SLC7A14: variants seen among roughly 807,000 people sequenced by gnomAD.
The protein encoded by SLC7A14 is gamma-aminobutyric acid transporter SLC7A14.
SLC7A14 carries 37 observed loss-of-function variants against 60.2 expected under a neutral mutation model. The observed-to-expected ratio is 0.61, with a 90% CI of 0.47 to 0.81. SLC7A14 has a LOEUF of 0.81. SLC7A14 is among the 30% of genes least tolerant of loss of function. The pLI is 0.00. For synonymous variants in SLC7A14, 399 were observed against 395.8 expected (o/e 1.01, Z -0.10); for missense variants, 886 against 982.7 (o/e 0.90, Z 1.32).
At chr3:170,481,277 T>C in intron 6 of SLC7A14, 111 bp from the exon 7 acceptor site, 1 of 1,166,090 alleles carries the variant, frequency 8.6e-7, no homozygotes, top group South Asian at 1.6e-5. Context: ...TAACTCCTCC[T>C]GGTCCTGCTC....
intron 2 of SLC7A14, among the ~76,000 whole-genome samples, chr3:170,518,263 C>T (rs1308727149): frequency 6.6e-6 from 1 of 152,234 alleles, no homozygotes; most frequent in Non-Finnish European, 1.5e-5. Flanking sequence ...CTGTGGTGGT[C>T]TTCTTCGCTA....
At chr3:170,569,179 C>T (rs1268648516) in intron 1 of SLC7A14, among the ~76,000 whole-genome samples, 2 of 152,238 alleles carry the variant, frequency 1.3e-5, no homozygotes, top group South Asian at 2.1e-4. Context: ...TTTTGAGATA[C>T]ATCCCATCAA....
chr3:170,484,113 G>T (rs1005945171), intron 5 of SLC7A14, among the ~76,000 whole-genome samples: 1 of 152,178 alleles, frequency 6.6e-6, no homozygotes, highest in Non-Finnish European at 1.5e-5. Context: ...TAGGATCCAG[G>T]CAGGCCAACA....
intron 1 of SLC7A14, among the ~76,000 whole-genome samples, chr3:170,537,935 G>A (rs1310843504): frequency 1.4e-5 from 2 of 142,224 alleles, no homozygotes; most frequent in African/African-American, 2.7e-5. Context: ...CTATATGGTC[G>A]TGGTCCTTCT....
At chr3:170,519,309 C>T (rs1713270226) in intron 2 of SLC7A14, among the ~76,000 whole-genome samples, 1 of 152,182 alleles carries the variant, frequency 6.6e-6, no homozygotes. Context: ...GTGGCAGTGA[C>T]AGCCAGCTTT....
chr3:170,545,170 T>C (rs1714140271), intron 1 of SLC7A14, among the ~76,000 whole-genome samples: 1 of 152,246 alleles, frequency 6.6e-6, no homozygotes, highest in Admixed American at 6.5e-5. Flanking sequence ...TGGTATCCTT[T>C]ACAGAAGAGG....
chr3:170,558,757 T>G (rs759418255), intron 1 of SLC7A14, among the ~76,000 whole-genome samples: 6 of 152,244 alleles, frequency 3.9e-5, no homozygotes, highest in Non-Finnish European at 7.3e-5. Context: ...TACAATGTCA[T>G]TCTGAATGAA....
In SLC7A14 at chr3:170,585,602, C is replaced by T. The variant is rs567807693; in HGVS notation, c.-153+309G>A. Among the ~76,000 whole-genome samples, 55 of 152,262 alleles carry T rather than the reference C, an allele frequency of 3.6e-4. No homozygotes were observed. The highest frequency in any genetic ancestry group is 1.3e-3 in the African/African-American group (53 of 41,554). ...GCCTCCCGCTCTAGCGGCGCCGGAG[C>T]CGCGCTGGCCCCCGCCCCGCCCGGC... On this transcript the variant is annotated intron_variant, in intron 1 of 7. Transcript: ENST00000231706. This position sits in a 1 kb window ranked among gnomAD's most constrained non-coding sequence, Gnocchi z 5.1.
At chr3:170,539,094 C>T (rs996638529) in intron 1 of SLC7A14, among the ~76,000 whole-genome samples, 6 of 152,174 alleles carry the variant, frequency 3.9e-5, no homozygotes, top group African/African-American at 1.4e-4. Flanking sequence ...AAATGAAATC[C>T]AAGGTCCTCA....
chr3:170,489,276 A>G (rs1478859421), intron 4 of SLC7A14, among the ~76,000 whole-genome samples: 1 of 152,218 alleles, frequency 6.6e-6, no homozygotes, highest in Non-Finnish European at 1.5e-5. Context: ...AAATCTAATA[A>G]TCTGATTTAA....
chr3:170,533,885 T>A (rs141942071), intron 1 of SLC7A14, among the ~76,000 whole-genome samples: 1 of 152,338 alleles, frequency 6.6e-6, no homozygotes. Context: ...CCTACCATAT[T>A]ATTTAATGAT....
chr3:170,560,578 C>T (rs1714619845), intron 1 of SLC7A14, among the ~76,000 whole-genome samples: 2 of 152,122 alleles, frequency 1.3e-5, no homozygotes, highest in African/African-American at 4.8e-5. Context: ...ATTTTAAAGT[C>T]TGATAACACC....
Position 170,532,592 on chromosome 3 carries a change from T to G in SLC7A14, c.-152-5504A>C, listed in dbSNP as rs564250705. On this transcript the variant is annotated intron_variant, in intron 1 of 7. Coordinates refer to ENST00000231706, the MANE Select transcript of SLC7A14 (RefSeq NM_020949.3). The surrounding 1 kb of genome is among the most constrained non-coding windows in gnomAD (Gnocchi z 4.0). ...GTGGAAGAGCTAATACGTGTAGAGC[T>G]TTTAGTACCGCGCCTGGCGTATAGT... 8.1e-4 allele frequency among the ~76,000 whole-genome samples: 124 copies of G among 152,236 alleles called. No homozygotes were observed. Among genetic ancestry groups the G allele is most frequent in the African/African-American group, 2.9e-3 (119 of 41,542 alleles).
intron 1 of SLC7A14, among the ~76,000 whole-genome samples, chr3:170,573,092 G>A (rs1302299675): frequency 6.6e-6 from 1 of 152,202 alleles, no homozygotes; most frequent in East Asian, 1.9e-4. Context: ...AGTTTCAAAT[G>A]TCAGGGTCCA....
At chr3:170,518,186 T>A (rs995978701) in intron 2 of SLC7A14, among the ~76,000 whole-genome samples, 1 of 152,036 alleles carries the variant, frequency 6.6e-6, no homozygotes, top group Non-Finnish European at 1.5e-5. Flanking sequence ...GGGAAGGAGG[T>A]GCTACATGAA....
intron 7 of SLC7A14, among the ~76,000 whole-genome samples, chr3:170,471,120 TGA>T (rs1553864221): frequency 7.9e-5 from 12 of 151,634 alleles, no homozygotes; most frequent in Non-Finnish European, 1.8e-4. Context: ...TGTGTGTGTG[TGA>T]GTGATTATGT....
intron 4 of SLC7A14, chr3:170,496,303 C>T (rs1377485855): frequency 5.9e-6 from 6 of 1,011,752 alleles, no homozygotes; most frequent in East Asian, 4.7e-5. Context: ...GAGCTGCAGA[C>T]GCTGGCTGGC....
In SLC7A14 at chr3:170,526,751, G is replaced by A. The variant is rs374158453; in HGVS notation, c.186C>T (p.Gly62=). 3 of 1,614,118 alleles carry A rather than the reference G, an allele frequency of 1.9e-6. No individual in the cohort carries two copies. The African/African-American group carries it at 4.0e-5, about 22-fold the overall frequency. The change falls in exon 2 of 8, where the codon GGC becomes GGT. Residue 62 remains glycine, a synonymous_variant. Transcript: ENST00000231706. ...TGCCAGTGCCCACACAGCTGCCAAC[G>A]CCAAGAGAGATGAGGTCCACTGTGG... ...VLTTVDLISL[G]VGSCVGTGMY...
At chr3:170,486,093 G>C in intron 5 of SLC7A14, 129 bp downstream of exon 5, 1 of 1,199,616 alleles carries the variant, frequency 8.3e-7, no homozygotes, top group Admixed American at 2.8e-5. Flanking sequence ...TGGGGAGTGG[G>C]GAATGGGGCT....
Sources: allele counts gnomAD v4.1 joint callset (sites outside exome capture counted in the v4.1 genomes callset), GRCh38; gene constraint gnomAD v4.1.1; non-coding constraint Gnocchi (gnomAD v3.1); transcripts MANE v1.5; gene names NCBI Gene and HGNC (gene_info 2026-07-23, HGNC 2026-07-21).